The following RBFOX1 variants were observed in gnomAD, a reference collection of about 807,000 sequenced individuals.
RBFOX1 encodes the protein RNA binding protein fox-1 homolog 1.
A neutral mutation model predicts 57.7 loss-of-function variants in RBFOX1; 8 were observed. That is an observed-to-expected ratio of 0.14 (90% CI 0.08 to 0.25). The LOEUF (loss-of-function observed/expected upper bound fraction) is 0.25. Ranked by LOEUF, RBFOX1 falls within the 10% of genes least tolerant of loss-of-function variation. The pLI, the probability that RBFOX1 is intolerant of heterozygous loss-of-function variation, is 1.00. For missense variants in RBFOX1, 611 were observed against 548.5 expected, an observed-to-expected ratio of 1.11 and a Z score of -1.14; for synonymous variants, 326 against 222.4, an observed-to-expected ratio of 1.47 and a Z score of -4.15.
chr16:6,575,140 C>G (rs902047733), intron 2 of RBFOX1, among the ~76,000 whole-genome samples: 14 of 151,674 alleles, frequency 9.2e-5, no homozygotes, highest in African/African-American at 3.2e-4. Context: ...GGACAGATTA[C>G]GACACGTTGT....
At chr16:7,331,723 G>T (rs973868959) in intron 4 of RBFOX1, among the ~76,000 whole-genome samples, 4 of 152,116 alleles carry the variant, frequency 2.6e-5, no homozygotes, top group African/African-American at 9.7e-5. Flanking sequence ...AGGGTTCAGA[G>T]AGGCTAAGTA....
chr16:5,635,080 C>T (rs1330886409), intron 3 of RBFOX1, among the ~76,000 whole-genome samples: 1 of 152,156 alleles, frequency 6.6e-6, no homozygotes, highest in Non-Finnish European at 1.5e-5. Context: ...TGCTAGCCAG[C>T]CCCAAATGGG....
intron 1 of RBFOX1, among the ~76,000 whole-genome samples, chr16:6,147,850 T>G (rs2096770363): frequency 6.6e-6 from 1 of 152,216 alleles, no homozygotes; most frequent in African/African-American, 2.4e-5. Context: ...CAACAAATTG[T>G]ATGTTTCTAC....
In RBFOX1 at chr16:7,042,306, C is replaced by G. The variant is rs137913347; in HGVS notation, c.-15-9751C>G. On this transcript the variant is annotated intron_variant, in intron 3 of 15. Transcript: ENST00000550418. ...GGAGGAGGGCTAACAGTGTAGGTAT[C>G]CATGGTTTTGTTTGGTTTACCTGAC... Among the ~76,000 whole-genome samples, 10 of 152,236 alleles carry G rather than the reference C, an allele frequency of 6.6e-5. No individual in the cohort carries two copies. In the East Asian group the frequency reaches 1.4e-3, roughly 21 times the overall value.
intron 3 of RBFOX1, among the ~76,000 whole-genome samples, chr16:5,626,813 C>G (rs2048363139): frequency 6.6e-6 from 1 of 151,904 alleles, no homozygotes; most frequent in Non-Finnish European, 1.5e-5. Flanking sequence ...TTCCTTGGTG[C>G]CCTTCTGAGC....
intron 4 of RBFOX1, among the ~76,000 whole-genome samples, chr16:7,363,329 T>G (rs150453524): frequency 0.02 from 3,030 of 152,220 alleles, 45 homozygotes; most frequent in Non-Finnish European, 0.027. Context: ...GTGTGTTACT[T>G]ACAACGTGTG....
intron 2 of RBFOX1, among the ~76,000 whole-genome samples, chr16:5,596,397 G>A (rs2047184821): frequency 6.6e-6 from 1 of 152,160 alleles, no homozygotes. Flanking sequence ...GGCTTCACAT[G>A]CAAGGTCTTG....
intron 1 of RBFOX1, among the ~76,000 whole-genome samples, chr16:6,211,811 G>T: frequency 6.7e-6 from 1 of 149,362 alleles, no homozygotes; most frequent in Non-Finnish European, 1.5e-5. Flanking sequence ...CCACTTAAAG[G>T]AATACATCTT....
At chr16:6,126,974 G>A (rs1269756511) in intron 1 of RBFOX1, among the ~76,000 whole-genome samples, 2 of 152,114 alleles carry the variant, frequency 1.3e-5, no homozygotes, top group Non-Finnish European at 2.9e-5. Flanking sequence ...AACAAGGAGG[G>A]TTTCATCGAT....
intron 3 of RBFOX1, among the ~76,000 whole-genome samples, chr16:6,761,590 C>G (rs925111407): frequency 7.7e-6 from 1 of 129,782 alleles, no homozygotes; most frequent in African/African-American, 2.8e-5. Flanking sequence ...TCACTGTAAC[C>G]TCTGCCTCCC....
At chr16:6,912,857 T>C (rs6500872) in intron 3 of RBFOX1, among the ~76,000 whole-genome samples, 115,312 of 151,564 alleles carry the variant, frequency 0.76, 44,085 homozygotes, top group East Asian at 0.93. Flanking sequence ...TGAGCTCAAG[T>C]GATCCTCTTG....
chr16:6,061,364 G>A (rs919163768), intron 1 of RBFOX1, among the ~76,000 whole-genome samples: 2 of 152,032 alleles, frequency 1.3e-5, no homozygotes, highest in African/African-American at 2.4e-5. Context: ...CAGATTTCAA[G>A]TCTCAAAGAA....
chr16:6,269,519 G>A (rs1645378144), intron 1 of RBFOX1, among the ~76,000 whole-genome samples: 2 of 152,152 alleles, frequency 1.3e-5, no homozygotes, highest in South Asian at 4.1e-4. Context: ...CCTTATAGGA[G>A]GAAACCCATT....
chr16:6,141,126 G>A (rs1456362212), intron 1 of RBFOX1, among the ~76,000 whole-genome samples: 1 of 152,160 alleles, frequency 6.6e-6, no homozygotes, highest in Non-Finnish European at 1.5e-5. Flanking sequence ...TGGAGGTGGT[G>A]CTCCTGAACT....
In RBFOX1 at chr16:6,478,086, C is replaced by G. The variant is rs148795350; in HGVS notation, c.-64+161029C>G. ...ATCTTCCATCTAAACCACTAATACTCCACACCAGCAACAAGGCTCTTTTAC... is the reference window on the plus strand; with the variant it reads ...ATCTTCCATCTAAACCACTAATACTGCACACCAGCAACAAGGCTCTTTTAC... On this transcript the variant is annotated intron_variant, in intron 2 of 15. Transcript: ENST00000550418. Among the ~76,000 whole-genome samples, 8 of 152,122 alleles carry G rather than the reference C, an allele frequency of 5.3e-5. No homozygotes were observed. The East Asian group carries it at 1.5e-3, about 29-fold the overall frequency.
chr16:7,680,601 C>A (rs1406543050), intron 14 of RBFOX1, among the ~76,000 whole-genome samples: 2 of 151,888 alleles, frequency 1.3e-5, no homozygotes, highest in Non-Finnish European at 1.5e-5. Flanking sequence ...TTGTAAAGAT[C>A]CATGAAAGCC....
intron 3 of RBFOX1, among the ~76,000 whole-genome samples, chr16:5,861,820 G>A (rs1303712870): frequency 1.3e-5 from 2 of 152,262 alleles, no homozygotes; most frequent in South Asian, 4.1e-4. Context: ...CTTCTTAGAC[G>A]CAATGGCAGA....
At chr16:5,799,400 G>A (rs2054986967) in intron 3 of RBFOX1, among the ~76,000 whole-genome samples, 1 of 152,102 alleles carries the variant, frequency 6.6e-6, no homozygotes, top group African/African-American at 2.4e-5. Context: ...TGGAGAAGAT[G>A]ACTGAAAAAA....
intron 4 of RBFOX1, among the ~76,000 whole-genome samples, chr16:7,405,135 C>G (rs1226819523): frequency 6.6e-6 from 1 of 152,200 alleles, no homozygotes; most frequent in Non-Finnish European, 1.5e-5. Context: ...AGAGAAAAAT[C>G]TCCAGTGAGG....
Sources: allele counts gnomAD v4.1 joint callset (sites outside exome capture counted in the v4.1 genomes callset), GRCh38; gene constraint gnomAD v4.1.1; transcripts MANE v1.5; gene names NCBI Gene and HGNC (gene_info 2026-07-23, HGNC 2026-07-21).